The following CNOT9 variants were observed in gnomAD, a reference collection of about 807,000 sequenced individuals.
CNOT9 encodes the protein CCR4-NOT transcription complex subunit 9.
A neutral mutation model predicts 37.4 loss-of-function variants in CNOT9; 8 were observed. The observed-to-expected ratio is 0.21, with a 90% CI of 0.13 to 0.39. The LOEUF (loss-of-function observed/expected upper bound fraction) is 0.39. CNOT9 is among the 10% of genes least tolerant of loss of function. CNOT9 has a pLI of 1.00. For missense variants in CNOT9, 154 were observed against 365.3 expected, an observed-to-expected ratio of 0.42 and a Z score of 4.71; for synonymous variants, 120 against 137.6, an observed-to-expected ratio of 0.87 and a Z score of 0.90.
chr2:218,585,265 A>G (rs1694550946), intron 4 of CNOT9, among the ~76,000 whole-genome samples: 2 of 152,118 alleles, frequency 1.3e-5, no homozygotes, highest in South Asian at 4.1e-4. Context: ...AATGCTTCGT[A>G]TATCTGAAAT....
chr2:218,572,135 A>G (rs1694018960), intron 1 of CNOT9, among the ~76,000 whole-genome samples: 1 of 151,560 alleles, frequency 6.6e-6, no homozygotes, highest in Non-Finnish European at 1.5e-5. Flanking sequence ...AGCCTGGCCA[A>G]CGTGGTGAAA....
chr2:218,576,392 G>C (rs1694169351), intron 1 of CNOT9, among the ~76,000 whole-genome samples: 1 of 152,146 alleles, frequency 6.6e-6, no homozygotes, highest in Non-Finnish European at 1.5e-5. Context: ...GTCCATGTGT[G>C]TGTTGGTGGT....
chr2:218,584,546 A>G, intron 3 of CNOT9, 66 bp from the exon 4 acceptor site: 1 of 1,180,490 alleles, frequency 8.5e-7, no homozygotes, highest in South Asian at 1.2e-5. Context: ...CCACCTAGAA[A>G]TTTGAAAGTT....
chr2:218,571,119 C>A (rs513448), intron 1 of CNOT9, among the ~76,000 whole-genome samples: 150,915 of 152,384 alleles, frequency 0.99, 74,746 homozygotes, highest in Middle Eastern at 1. Context: ...TGCATGCAAC[C>A]GTGCCCAGAA....
chr2:218,582,486 C>T (rs371325107), intron 2 of CNOT9, among the ~76,000 whole-genome samples: 1 of 152,130 alleles, frequency 6.6e-6, no homozygotes, highest in Non-Finnish European at 1.5e-5. Context: ...GTCAGCAGAT[C>T]GAGACCATCC....
chr2:218,584,509 G>A, intron 3 of CNOT9, 103 bp from the exon 4 acceptor site: 1 of 821,034 alleles, frequency 1.2e-6, no homozygotes, highest in Non-Finnish European at 2.1e-6. Flanking sequence ...TCCTTGCTCT[G>A]ACAATGTTAA....
chr2:218,586,050 C>A (rs1479657495), intron 4 of CNOT9, among the ~76,000 whole-genome samples: 1 of 152,142 alleles, frequency 6.6e-6, no homozygotes, highest in African/African-American at 2.4e-5. Context: ...AAACTGATTT[C>A]TAATGAAATA....
intron 5 of CNOT9, among the ~76,000 whole-genome samples, chr2:218,588,287 CTTT>C (rs539751873): frequency 2.1e-5 from 3 of 141,550 alleles, no homozygotes; most frequent in Admixed American, 7.1e-5. Context: ...AATCATATAT[CTTT>C]TTTTTTTTTT....
intron 1 of CNOT9, among the ~76,000 whole-genome samples, chr2:218,572,069 C>T (rs913276865): frequency 1.3e-5 from 2 of 151,770 alleles, no homozygotes; most frequent in African/African-American, 4.8e-5. Flanking sequence ...GCCTGTAATC[C>T]CAGCACTTTG....
At chr2:218,583,227 GTGTGTGTCTC>G (rs1694468936) in intron 3 of CNOT9, 141 bp downstream of exon 3, 4 of 210,106 alleles carry the variant, frequency 1.9e-5, no homozygotes, top group East Asian at 9.4e-5. Flanking sequence ...GTGTGTGTGT[GTGTGTGTCTC>G]TCTCTCTCTC....
chr2:218,586,254 C>A (rs1694593794), intron 4 of CNOT9, among the ~76,000 whole-genome samples: 2 of 152,080 alleles, frequency 1.3e-5, no homozygotes. Context: ...GCTTTGAAAC[C>A]CTACCCCCTC....
intron 4 of CNOT9, among the ~76,000 whole-genome samples, chr2:218,585,067 C>T (rs1422450959): frequency 6.6e-6 from 1 of 151,844 alleles, no homozygotes; most frequent in Non-Finnish European, 1.5e-5. Context: ...CTCCTCTTCC[C>T]TTCTCTCTTC....
intron 1 of CNOT9, among the ~76,000 whole-genome samples, chr2:218,571,734 G>A (rs541160305): frequency 1.1e-4 from 10 of 95,110 alleles, no homozygotes; most frequent in African/African-American, 3.4e-4. Flanking sequence ...ACGACGCCTG[G>A]CTAATTTTTT....
At chr2:218,591,120 A>G (rs1286267585) in intron 5 of CNOT9, among the ~76,000 whole-genome samples, 2 of 152,166 alleles carry the variant, frequency 1.3e-5, no homozygotes, top group African/African-American at 4.8e-5. Context: ...ATTTAAGGTA[A>G]CATTTGCAGA....
intron 5 of CNOT9, 63 bp downstream of exon 5, chr2:218,587,758 G>A: frequency 1.3e-6 from 1 of 743,264 alleles, no homozygotes; most frequent in Non-Finnish European, 2.0e-6. Flanking sequence ...TTATGGTCCT[G>A]GGATCATTTT....
chr2:218,573,811 G>A (rs1009814904), intron 1 of CNOT9: 2 of 262,536 alleles, frequency 7.6e-6, no homozygotes, highest in African/African-American at 4.7e-5. Flanking sequence ...TTATCTGTAT[G>A]TTAAGCTTTC....
intron 5 of CNOT9, among the ~76,000 whole-genome samples, chr2:218,591,076 T>C (rs2106098450): frequency 6.6e-6 from 1 of 152,308 alleles, no homozygotes; most frequent in African/African-American, 2.4e-5. Context: ...CTCAAGATCC[T>C]TAACTTAATC....
At chr2:218,591,181 A>C (rs762805227) in intron 5 of CNOT9, among the ~76,000 whole-genome samples, 1 of 152,100 alleles carries the variant, frequency 6.6e-6, no homozygotes, top group Non-Finnish European at 1.5e-5. Context: ...TCAGCCTACT[A>C]CAGTGTTATA....
chr2:218,584,776 T>C (rs760946601), intron 4 of CNOT9, 55 bp downstream of exon 4: 11 of 1,265,376 alleles, frequency 8.7e-6, no homozygotes, highest in Non-Finnish European at 1.3e-5. Flanking sequence ...GTAGTCTAAG[T>C]TGGGTGTTTT....
Sources: gnomAD v4.1 joint callset for allele counts (sites outside exome capture counted in the v4.1 genomes callset) on GRCh38, gnomAD v4.1.1 for gene constraint, MANE v1.5 for transcripts, NCBI Gene and HGNC (gene_info 2026-07-23, HGNC 2026-07-21) for gene names.